UTP4: variants seen among roughly 807,000 people sequenced by gnomAD.
The protein encoded by UTP4 is UTP4 small subunit processome component, also known as U3 small nucleolar RNA-associated protein 4 homolog.
Under a neutral mutation model 82.4 loss-of-function variants are expected in UTP4, and 45 were observed. That is an observed-to-expected ratio of 0.55 (90% CI 0.43 to 0.70). UTP4 has a LOEUF of 0.70. UTP4 is among the 30% of genes least tolerant of loss of function. The pLI, the probability that UTP4 is intolerant of heterozygous loss-of-function variation, is 0.00. For missense variants in UTP4, 819 were observed against 858.3 expected (o/e 0.95, Z 0.57); for synonymous variants, 348 against 300.3 (o/e 1.16, Z -1.64).
chr16:69,151,197 G>A (rs544257863), intron 8 of UTP4, among the ~76,000 whole-genome samples: 2 of 152,012 alleles, frequency 1.3e-5, no homozygotes, highest in Admixed American at 1.3e-4. Context: ...GTAGAGACTG[G>A]GTTTTTCCAT....
intron 2 of UTP4, among the ~76,000 whole-genome samples, chr16:69,135,658 T>C (rs760382553): frequency 5.9e-5 from 9 of 152,112 alleles, no homozygotes; most frequent in Non-Finnish European, 1.2e-4. Flanking sequence ...TGAGGCTACA[T>C]TGAGCCAAGA....
Position 69,136,706 on chromosome 16 carries a change from G to T in UTP4, c.170G>T (p.Gly57Val), listed in dbSNP as rs1479700862. The stretch of plus-strand genomic sequence containing the variant: ...ATGGTGTTTCTGCAGTTTTTCCCAG[G>T]TCATGAGTCTCGGGCTACAGAAGCT... ...ANYFQEKFFP[G>V]HESRATEALC... The change falls in exon 3 of 17, where the codon GGT (glycine) becomes GTT (valine). Residue 57 changes from glycine to valine, a missense_variant. Coordinates refer to ENST00000314423, the MANE Select transcript of UTP4 (RefSeq NM_032830.3). 6.2e-7 allele frequency: 1 copy of T among 1,613,960 alleles called. No homozygotes were observed. Among genetic ancestry groups the T allele is most frequent in the Non-Finnish European group, 8.5e-7 (1 of 1,179,882 alleles).
At chr16:69,149,214 T>A (rs1333717607) in intron 6 of UTP4, among the ~76,000 whole-genome samples, 1 of 152,038 alleles carries the variant, frequency 6.6e-6, no homozygotes, top group African/African-American at 2.4e-5. Flanking sequence ...ACCCCATCTC[T>A]ACTAATAATA....
At chr16:69,164,850 T>G (rs1300563471) in intron 14 of UTP4, among the ~76,000 whole-genome samples, 2 of 151,958 alleles carry the variant, frequency 1.3e-5, no homozygotes, top group African/African-American at 2.4e-5. Context: ...GATATAACAC[T>G]GAGCAACAAA....
chr16:69,154,930 G>A (rs1963371772), intron 10 of UTP4, among the ~76,000 whole-genome samples: 1 of 151,852 alleles, frequency 6.6e-6, no homozygotes, highest in South Asian at 2.1e-4. Flanking sequence ...GGGTTGGTCA[G>A]GCTGGTCTTG....
At chr16:69,162,409 C>G (rs1454638884) in intron 13 of UTP4, among the ~76,000 whole-genome samples, 1 of 151,710 alleles carries the variant, frequency 6.6e-6, no homozygotes, top group Non-Finnish European at 1.5e-5. Flanking sequence ...GACCCCGTTT[C>G]TACTAAAAAT....
At chr16:69,153,803 G>A in intron 9 of UTP4, 123 bp downstream of exon 9, 1 of 734,324 alleles carries the variant, frequency 1.4e-6, no homozygotes, top group Non-Finnish European at 2.4e-6. Flanking sequence ...TTTAACTAAT[G>A]GTTTTCCCAC....
intron 6 of UTP4, among the ~76,000 whole-genome samples, chr16:69,149,901 GTA>G (rs1248872432): frequency 6.6e-6 from 1 of 151,880 alleles, no homozygotes. Flanking sequence ...GCTAATTTTT[GTA>G]TTTTTAGTAG....
At chr16:69,159,310 A>G (rs1009900523) in intron 12 of UTP4, among the ~76,000 whole-genome samples, 1 of 151,618 alleles carries the variant, frequency 6.6e-6, no homozygotes, top group Non-Finnish European at 1.5e-5. Context: ...TGAACTCCTG[A>G]CCTCAGGTAA....
chr16:69,156,075 A>G, intron 11 of UTP4, 82 bp downstream of exon 11: 1 of 1,373,964 alleles, frequency 7.3e-7, no homozygotes, highest in Non-Finnish European at 1.0e-6. Context: ...AATCAACTGG[A>G]TGTGAATCCT....
Position 69,150,653 on chromosome 16 carries a change from TCA to T in UTP4, c.859_860del (p.Thr287SerfsTer2). On this transcript the variant is annotated frameshift_variant, in exon 7 of 17. Transcript: ENST00000314423. LOFTEE classifies it high-confidence loss of function. Reference sequence around the variant, plus strand: ...GGGTGCGGACAAAACCGTTCCAGCATCACACTCATGACGTGCGCACTGTGGCC... The same window carrying T: ...GGGTGCGGACAAAACCGTTCCAGCATCACTCATGACGTGCGCACTGTGGCC... Reference protein sequence around the residue: ...QWVRTKPFQHHTHDVRTVAHS... With the variant: ...QWVRTKPFQHXTHDVRTVAHS... The T allele has an allele frequency of 6.2e-7, 1 of 1,614,218 alleles. No individual in the cohort carries two copies. Among genetic ancestry groups the T allele is most frequent in the Non-Finnish European group, 8.5e-7 (1 of 1,180,038 alleles).
intron 10 of UTP4, 134 bp from the exon 11 acceptor site, chr16:69,155,737 C>A: frequency 1.1e-6 from 1 of 939,854 alleles, no homozygotes; most frequent in Non-Finnish European, 1.7e-6. Flanking sequence ...TAATGCAGAC[C>A]ACACGAGGAT....
At position 69,153,785 on chromosome 16, in the gene UTP4, G is replaced by A. The variant is rs549163190; in HGVS notation, c.1099+105G>A. On this transcript the variant is annotated intron_variant, in intron 9 of 16. Coordinates refer to ENST00000314423, the MANE Select transcript of UTP4 (RefSeq NM_032830.3). ...TATAGAAAAACTGAAGTAGACTTTT[G>A]TGTCCATTTTAACTAATGGTTTTCC... is the stretch of plus-strand genomic sequence containing the variant. 76 of 790,118 alleles carry A rather than the reference G, an allele frequency of 9.6e-5. 1 individual carries two copies. The South Asian group carries it at 9.9e-4, about 10-fold the overall frequency. 48.9% of individuals were successfully genotyped at this position (790,118 alleles called of 1,614,324 possible).
chr16:69,149,492 A>G (rs1963204139), intron 6 of UTP4, among the ~76,000 whole-genome samples: 1 of 151,764 alleles, frequency 6.6e-6, no homozygotes, highest in Admixed American at 6.6e-5. Context: ...CAGAGGTTGC[A>G]GTGAGCCGAG....
chr16:69,158,139 C>T (rs909985212), intron 12 of UTP4, among the ~76,000 whole-genome samples: 1 of 145,376 alleles, frequency 6.9e-6, no homozygotes, highest in Non-Finnish European at 1.5e-5. Flanking sequence ...ATTTACACTC[C>T]CATCAGCCTG....
intron 5 of UTP4, 96 bp downstream of exon 5, chr16:69,140,010 CT>C: frequency 1.2e-6 from 1 of 861,990 alleles, no homozygotes; most frequent in Non-Finnish European, 2.0e-6. Context: ...GTTTCATGAC[CT>C]TTATGGCCTA....
At chr16:69,160,885 C>T (rs757558936) in intron 13 of UTP4, among the ~76,000 whole-genome samples, 21 of 152,170 alleles carry the variant, frequency 1.4e-4, no homozygotes, top group Non-Finnish European at 2.4e-4. Context: ...CATGAGCCAC[C>T]GCGCCTGGCC....
chr16:69,153,606 A>G lies in UTP4; in HGVS notation c.1025A>G (p.Lys342Arg), dbSNP rs1963334564. Residue 342 changes from lysine (K) to arginine (R), a missense_variant, in exon 9 of 17, where the codon AAA (lysine) becomes AGA (arginine). Lys to Arg is a conservative substitution (Grantham distance 26). Transcript: ENST00000314423. ...TAGCGATGTCTCATCTCCTGTTCTAAAAAGAGGCAGCTTCTCCTCTTCCAG... is the reference window on the plus strand; with the variant it reads ...TAGCGATGTCTCATCTCCTGTTCTAGAAAGAGGCAGCTTCTCCTCTTCCAG... ...FPHRCLISCS[K>R]KRQLLLFQFA... 1.2e-6 allele frequency: 2 copies of G among 1,613,196 alleles called. No individual in the cohort carries two copies. The highest frequency in any genetic ancestry group is 1.7e-5 in the Admixed American group (1 of 59,944).
At chr16:69,163,248 A>G in intron 14 of UTP4, 70 bp downstream of exon 14, 2 of 1,263,032 alleles carry the variant, frequency 1.6e-6, no homozygotes, top group East Asian at 2.3e-5. Flanking sequence ...AATATTGGGC[A>G]GTTGCGGGGA....
Sources: gnomAD v4.1 joint callset for allele counts (sites outside exome capture counted in the v4.1 genomes callset) on GRCh38, gnomAD v4.1.1 for gene constraint, MANE v1.5 for transcripts, NCBI Gene and HGNC (gene_info 2026-07-23, HGNC 2026-07-21) for gene names.